Variants in MGST1 observed in about 807,000 individuals in gnomAD.
MGST1 encodes the protein microsomal glutathione S-transferase 1, also known as glutathione S-transferase 12.
MGST1 carries 5 observed loss-of-function variants against 8.9 expected under a neutral mutation model. The observed-to-expected ratio is 0.56, with a 90% confidence interval of 0.29 to 1.19. The LOEUF (loss-of-function observed/expected upper bound fraction) is 1.19, where lower values mean the gene tolerates loss of function less well. MGST1 is among the 50% of genes most tolerant of loss of function. The pLI is 0.08. For missense variants in MGST1, 182 were observed against 187.4 expected, an observed-to-expected ratio of 0.97 and a Z score of 0.17; for synonymous variants, 54 against 67.8, an observed-to-expected ratio of 0.80 and a Z score of 1.00.
Position 16,416,711 on chromosome 12 carries a change from T to A in MGST1, n.779-20677T>A, listed in dbSNP as rs145647292. ...TACACATTTTGGGGGAACACAAACA[T>A]GTAATCCATAACACAGGAAAATAAG... is the stretch of plus-strand genomic sequence containing the variant. On this transcript the variant is annotated intron_variant and non_coding_transcript_variant, in intron 1 of 1. Coordinates refer to the MGST1 transcript ENST00000359720. Among the ~76,000 whole-genome samples the A allele has an allele frequency of 2.7e-3, 418 of 152,240 alleles. 2 individuals carry two copies. Among genetic ancestry groups the A allele is most frequent in the Non-Finnish European group, 3.9e-3 (267 of 68,008 alleles).
At chr12:16,433,163 A>G (rs1940954436) in intron 1 of MGST1, among the ~76,000 whole-genome samples, 2 of 152,256 alleles carry the variant, frequency 1.3e-5, no homozygotes, top group African/African-American at 4.8e-5. Context: ...AGCATCCAGC[A>G]TGGGAGAAAG....
intron 1 of MGST1, chr12:16,400,976 G>C: frequency 7.0e-7 from 1 of 1,438,366 alleles, no homozygotes; most frequent in Non-Finnish European, 9.8e-7. Context: ...ATTGAGTTGA[G>C]CCACTAGTTC....
chr12:16,429,731 G>C (rs1940922571), intron 1 of MGST1, among the ~76,000 whole-genome samples: 1 of 152,138 alleles, frequency 6.6e-6, no homozygotes, highest in Admixed American at 6.5e-5. Flanking sequence ...GCTGAAAAAT[G>C]CTAGTGATTA....
chr12:16,524,720 A>C (rs189110693), intron 4 of MGST1, among the ~76,000 whole-genome samples: 67 of 152,208 alleles, frequency 4.4e-4, no homozygotes, highest in African/African-American at 1.6e-3. Flanking sequence ...CATTTTCACT[A>C]TATTTTGTAC....
intron 4 of MGST1, among the ~76,000 whole-genome samples, chr12:16,526,154 T>C (rs1208129853): frequency 6.6e-6 from 1 of 150,466 alleles, no homozygotes; most frequent in African/African-American, 2.5e-5. Flanking sequence ...TTTAATTAGA[T>C]CCCATTTGTC....
intron 4 of MGST1, among the ~76,000 whole-genome samples, chr12:16,463,954 A>G (rs1206214833): frequency 6.6e-6 from 1 of 152,236 alleles, no homozygotes; most frequent in African/African-American, 2.4e-5. Flanking sequence ...ACTGGCTATC[A>G]CATCATTATC....
At chr12:16,561,635 CTG>C (rs1942409029) in intron 4 of MGST1, among the ~76,000 whole-genome samples, 1 of 152,208 alleles carries the variant, frequency 6.6e-6, no homozygotes, top group Admixed American at 6.5e-5. Flanking sequence ...CACAAATGTG[CTG>C]AAGTCTCTCA....
intron 4 of MGST1, among the ~76,000 whole-genome samples, chr12:16,495,383 G>T (rs1291968076): frequency 6.6e-6 from 1 of 151,764 alleles, no homozygotes; most frequent in Non-Finnish European, 1.5e-5. Context: ...TCAAATGACG[G>T]GATCATTCCT....
At chr12:16,583,327 A>G (rs1943224502) in intron 4 of MGST1, among the ~76,000 whole-genome samples, 1 of 152,156 alleles carries the variant, frequency 6.6e-6, no homozygotes, top group South Asian at 2.1e-4. Context: ...TAAAAAAATT[A>G]GACAATAGGG....
chr12:16,402,537 A>G (rs1940666763), intron 1 of MGST1: 1 of 844,178 alleles, frequency 1.2e-6, no homozygotes, highest in Non-Finnish European at 1.9e-6. Context: ...ATAATAAGCT[A>G]CTAACACTTC....
intron 1 of MGST1, among the ~76,000 whole-genome samples, chr12:16,402,664 C>T (rs1179401973): frequency 6.6e-6 from 1 of 151,988 alleles, no homozygotes; most frequent in Non-Finnish European, 1.5e-5. Flanking sequence ...GCTTATGTCC[C>T]TTATTAATAC....
rs144911614 is a variant in MGST1 at position 16,384,888 on chromosome 12, G to A, written n.778+1284G>A. 6.6e-5 allele frequency among the ~76,000 whole-genome samples: 10 copies of A among 152,344 alleles called. No homozygotes were observed. The East Asian group carries it at 1.9e-3, about 29-fold the overall frequency. On this transcript the variant is annotated intron_variant and non_coding_transcript_variant, in intron 1 of 1. Transcript: ENST00000359720. ...GATGCAGAAGGCAGCTGATGGCTGC[G>A]AAGCAGTAGGCCTATCACAGGGATC...
At chr12:16,445,452 A>G (rs143207532) in intron 4 of MGST1, among the ~76,000 whole-genome samples, 49 of 152,080 alleles carry the variant, frequency 3.2e-4, no homozygotes, top group African/African-American at 1.2e-3. Flanking sequence ...TTTGCATTCT[A>G]AGGATTATAT....
chr12:16,560,309 A>AGATT lies in MGST1; in HGVS notation n.483-29213_483-29210dup. ...AAGTTTACAGAACAGAAAAACGCTG[A>AGATT]GATTGATTGCTTTAAATGTATGAAT... is the stretch of plus-strand genomic sequence containing the variant. On this transcript the variant is annotated intron_variant and non_coding_transcript_variant, in intron 4 of 4. Transcript: ENST00000538857. The surrounding 1 kb of genome is among the most constrained non-coding windows in gnomAD (Gnocchi z 5.0). 7.8e-7 allele frequency: 1 copy of AGATT among 1,274,196 alleles called. No individual in the cohort carries two copies. Among genetic ancestry groups the AGATT allele is most frequent in the East Asian group, 2.4e-5 (1 of 40,992 alleles). The allele number at this position is 1,274,196 out of a possible 1,614,324, so 78.9% of individuals were successfully genotyped here.
intron 3 of MGST1, chr12:16,370,430 A>T (rs1043102266): frequency 3.3e-5 from 5 of 152,176 alleles, no homozygotes; most frequent in Non-Finnish European, 5.9e-5. Context: ...GATTATTCAC[A>T]TATTAAATGT....
At chr12:16,380,441 G>T (rs1206364012), downstream of MGST1, among the ~76,000 whole-genome samples, 3 of 152,258 alleles carry the variant, frequency 2.0e-5, no homozygotes, top group Non-Finnish European at 2.9e-5. Flanking sequence ...TTTCCATGTG[G>T]TTGAGCGGTT....
At chr12:16,485,041 A>G (rs530585937) in intron 4 of MGST1, among the ~76,000 whole-genome samples, 57 of 152,312 alleles carry the variant, frequency 3.7e-4, no homozygotes, top group African/African-American at 1.3e-3. Context: ...ACAATATTCT[A>G]TGCAGAACTC....
At chr12:16,567,778 A>G (rs1377283602) in intron 4 of MGST1, among the ~76,000 whole-genome samples, 1 of 152,048 alleles carries the variant, frequency 6.6e-6, no homozygotes, top group Non-Finnish European at 1.5e-5. Flanking sequence ...GAGAATCCTC[A>G]GAATATCATC....
chr12:16,572,339 CTTTTTTT>C (rs59773866), intron 4 of MGST1, among the ~76,000 whole-genome samples: 101 of 89,528 alleles, frequency 1.1e-3, no homozygotes, highest in Middle Eastern at 0.01. Context: ...GGTCCAAACT[CTTTTTTT>C]TTTTTTTTTT....
Sources: gnomAD v4.1 joint callset for allele counts (sites outside exome capture counted in the v4.1 genomes callset) on GRCh38, gnomAD v4.1.1 for gene constraint, Gnocchi (gnomAD v3.1) non-coding constraint, MANE v1.5 for transcripts, NCBI Gene and HGNC (gene_info 2026-07-23, HGNC 2026-07-21) for gene names.